Variants in AVIL observed in about 807,000 individuals in gnomAD.
AVIL encodes advillin.
In AVIL, 78 loss-of-function variants were observed where a neutral mutation model predicts 109.9. That is an observed-to-expected ratio of 0.71 (90% CI 0.59 to 0.86). AVIL has a LOEUF of 0.86. Among genes scored for constraint, AVIL ranks in the 40% least tolerant of loss-of-function variants. The pLI is 0.00. For missense variants in AVIL, 892 were observed against 1,016.5 expected (o/e 0.88, Z 1.67); for synonymous variants, 367 against 379.1 (o/e 0.97, Z 0.37).
chr12:57,799,708 G>A (rs767064726), intron 19 of AVIL, 87 bp downstream of exon 19: 466 of 1,565,722 alleles, frequency 3.0e-4, no homozygotes, highest in Non-Finnish European at 3.8e-4. Context: ...ACAATGTGCC[G>A]GAGCTGTCCT....
chr12:57,797,692 AT>A lies in AVIL; in HGVS notation c.*189del. ...AAAACCCAAAAACTATATGGTTAAC[AT>A]TTTAGGTATATAACAAGCAAGGAAT... On this transcript the variant is annotated 3_prime_UTR_variant, in exon 20 of 20. Transcript: ENST00000549994. The A allele has an allele frequency of 2.8e-6, 2 of 715,636 alleles. No individual in the cohort carries two copies. The highest frequency in any genetic ancestry group is 4.4e-5 in the East Asian group (1 of 22,918). The allele number at this position is 715,636 out of a possible 1,614,324, so 44.3% of individuals were successfully genotyped here. A position where few individuals can be genotyped will look rare whatever the true frequency, so the allele number is the denominator to read the frequency against.
chr12:57,815,954 G>A (rs776456674), intron 2 of AVIL, 21 bp downstream of exon 2: 7 of 1,613,828 alleles, frequency 4.3e-6, no homozygotes, highest in Non-Finnish European at 5.9e-6. Flanking sequence ...TCACAAGTAA[G>A]GTGCCTCCAG....
chr12:57,809,482 T>C, intron 9 of AVIL, 115 bp downstream of exon 9: 7 of 1,224,822 alleles, frequency 5.7e-6, no homozygotes, highest in Non-Finnish European at 8.2e-6. Flanking sequence ...TTGCAGTCCA[T>C]GTACGTAAGC....
chr12:57,808,590 T>TA (rs1229988211), intron 9 of AVIL, 42 bp from the exon 10 acceptor site: 4 of 1,604,664 alleles, frequency 2.5e-6, no homozygotes, highest in Non-Finnish European at 3.4e-6. Context: ...AGTGGTGGAA[T>TA]ACACTGAGTT....
chr12:57,813,565 C>T, intron 3 of AVIL, 142 bp from the exon 4 acceptor site: 1 of 800,726 alleles, frequency 1.2e-6, no homozygotes, highest in Non-Finnish European at 1.9e-6. Context: ...GTGGGAGCTG[C>T]CCTGGCCCCC....
intron 19 of AVIL, among the ~76,000 whole-genome samples, chr12:57,798,784 T>G (rs1955786968): frequency 6.6e-6 from 1 of 151,922 alleles, no homozygotes; most frequent in African/African-American, 2.4e-5. Flanking sequence ...GCCTGGCTAA[T>G]TTTTGTATTT....
At chr12:57,808,123 A>C (rs1595168443) in intron 11 of AVIL, 71 bp downstream of exon 11, 1 of 1,516,576 alleles carries the variant, frequency 6.6e-7, no homozygotes, top group Non-Finnish European at 9.2e-7. Context: ...AATCACCTGC[A>C]CCCCTGCCCC....
intron 1 of AVIL, among the ~76,000 whole-genome samples, chr12:57,817,560 C>T (rs377492644): frequency 2.6e-5 from 4 of 151,922 alleles, no homozygotes; most frequent in Admixed American, 6.6e-5. Context: ...TCAGACCCTA[C>T]GTAGCAGTCA....
At chr12:57,816,726 A>G (rs1321492942) in intron 1 of AVIL, among the ~76,000 whole-genome samples, 1 of 75,578 alleles carries the variant, frequency 1.3e-5, no homozygotes, top group African/African-American at 5.4e-5. Context: ...TTTTTTTTTT[A>G]GAGTAAACTA....
chr12:57,802,396 C>T, intron 16 of AVIL, 48 bp from the exon 17 acceptor site: 1 of 1,549,674 alleles, frequency 6.5e-7, no homozygotes, highest in Non-Finnish European at 8.8e-7. Flanking sequence ...ATACCAAGGA[C>T]TAAGTACTAG....
intron 17 of AVIL, 155 bp from the exon 18 acceptor site, chr12:57,801,367 A>G (rs1955844673): frequency 1.7e-6 from 1 of 584,266 alleles, no homozygotes; most frequent in Non-Finnish European, 3.0e-6. Flanking sequence ...TTTTGGGTCC[A>G]TGCAGGCTTG....
chr12:57,811,218 A>G (rs1247645576), intron 4 of AVIL, 91 bp from the exon 5 acceptor site: 3 of 1,195,184 alleles, frequency 2.5e-6, no homozygotes, highest in Non-Finnish European at 3.7e-6. Context: ...AGCCTCACTC[A>G]TGTGATGACA....
chr12:57,809,508 C>T (rs73109213), intron 9 of AVIL, 89 bp downstream of exon 9: 40,157 of 1,460,322 alleles, frequency 0.027, 704 homozygotes, highest in Non-Finnish European at 0.033. Flanking sequence ...GTTATATGCT[C>T]AAATACCTAG....
chr12:57,805,413 G>T (rs1177485683), intron 14 of AVIL, among the ~76,000 whole-genome samples: 1 of 152,058 alleles, frequency 6.6e-6, no homozygotes, highest in African/African-American at 2.4e-5. Context: ...TTGTGTTTTT[G>T]TTCTGTATTA....
chr12:57,813,213 G>A lies in AVIL; in HGVS notation c.338+14C>T. On this transcript the variant is annotated intron_variant, in intron 4 of 19. Coordinates refer to ENST00000549994, the MANE Select transcript of AVIL (RefSeq NM_006576.4). ...ACTGCTGTTTCTGTCCTTGCTCTGTGCACCCCTACTCACATGATGCCCTGC... is the reference window on the plus strand; with the variant it reads ...ACTGCTGTTTCTGTCCTTGCTCTGTACACCCCTACTCACATGATGCCCTGC... 3 of 1,601,076 alleles carry A rather than the reference G, an allele frequency of 1.9e-6. No homozygotes were observed. The highest frequency in any genetic ancestry group is 1.7e-6 in the Non-Finnish European group (2 of 1,170,860).
intron 12 of AVIL, 36 bp from the exon 13 acceptor site, chr12:57,807,525 C>T (rs1419539590): frequency 6.2e-6 from 10 of 1,614,116 alleles, no homozygotes; most frequent in African/African-American, 5.3e-5. Flanking sequence ...ACCCATGCTC[C>T]CCGCCCCAGC....
Position 57,802,300 on chromosome 12 carries a change from C to T in AVIL, c.2011G>A (p.Ala671Thr), listed in dbSNP as rs548015584. The T allele has an allele frequency of 2.0e-5, 33 of 1,613,986 alleles. No homozygotes were observed. In the South Asian group the frequency reaches 3.5e-4, roughly 17 times the overall value. The change falls in exon 17 of 20, where the codon GCC (alanine) becomes ACC (threonine). Residue 671 changes from alanine (A) to threonine (T), a missense_variant. Transcript: ENST00000549994. Reference sequence around the variant, plus strand: ...AGGTACTGCTGTGCTGTGGCAAGGGCACTCTCCTTCTCCGTGGCATTGGCC... The same window carrying T: ...AGGTACTGCTGTGCTGTGGCAAGGGTACTCTCCTTCTCCGTGGCATTGGCC... ...AEANATEKES[A>T]LATAQQYLHT...
rs995402221 is a variant in AVIL at position 57,815,766 on chromosome 12, G to A, written c.66+209C>T. On this transcript the variant is annotated intron_variant, in intron 2 of 19. Coordinates refer to ENST00000549994, the MANE Select transcript of AVIL (RefSeq NM_006576.4). ...GTTTTTGTCTGGAGCCCTGTTCTTCGGGGCTGAACATTTCCTCCACCTGCC... is the reference window on the plus strand; with the variant it reads ...GTTTTTGTCTGGAGCCCTGTTCTTCAGGGCTGAACATTTCCTCCACCTGCC... The A allele has an allele frequency of 1.6e-5, 23 of 1,452,504 alleles. No individual in the cohort carries two copies. In the Middle Eastern group the frequency reaches 1.0e-3, roughly 65 times the overall value. 90.0% of individuals were successfully genotyped at this position (1,452,504 alleles called of 1,614,324 possible). A position where few individuals can be genotyped will look rare whatever the true frequency, so the allele number is the denominator to read the frequency against.
At position 57,811,091 on chromosome 12, in the gene AVIL, G is replaced by A. The variant is rs1027303132; in HGVS notation, c.375C>T (p.His125=). The change falls in exon 5 of 20, where the codon CAC becomes CAT. Residue 125 remains histidine (H), a synonymous_variant. Transcript: ENST00000549994. ...TCACGTCGTAGGTATTGGTCTCCACGTGCTTCATCCCAGAGGCGACACCCC... is the reference window on the plus strand; with the variant it reads ...TCACGTCGTAGGTATTGGTCTCCACATGCTTCATCCCAGAGGCGACACCCC... The part of the protein sequence containing the change: ...KQGGVASGMK[H]VETNTYDVKR... 28 of 1,614,012 alleles carry A rather than the reference G, an allele frequency of 1.7e-5. No homozygotes were observed. In the African/African-American group the frequency reaches 2.7e-4, roughly 15 times the overall value.
Sources: allele counts gnomAD v4.1 joint callset (sites outside exome capture counted in the v4.1 genomes callset), GRCh38; gene constraint gnomAD v4.1.1; transcripts MANE v1.5; gene names NCBI Gene and HGNC (gene_info 2026-07-23, HGNC 2026-07-21).